PDE1A: variants seen among roughly 807,000 people sequenced by gnomAD.
The protein encoded by PDE1A is dual specificity calcium/calmodulin-dependent 3',5'-cyclic nucleotide phosphodiesterase 1A.
In PDE1A, 35 loss-of-function variants were observed where a neutral mutation model predicts 61.7. The observed-to-expected ratio is 0.57, with a 90% confidence interval of 0.43 to 0.75. PDE1A has a LOEUF of 0.75. Ranked by LOEUF, PDE1A falls within the 30% of genes least tolerant of loss-of-function variation. The probability of loss-of-function intolerance (pLI) is 0.00; values close to 1 mark genes in which losing one functional copy is unlikely to be tolerated. For synonymous variants in PDE1A, 232 were observed against 213.2 expected (o/e 1.09, Z -0.77); for missense variants, 597 against 630.6 (o/e 0.95, Z 0.57).
At chr2:182,287,965 G>A (rs1221432693) in intron 1 of PDE1A, among the ~76,000 whole-genome samples, 1 of 151,992 alleles carries the variant, frequency 6.6e-6, no homozygotes, top group East Asian at 1.9e-4. Flanking sequence ...TGTTTACATT[G>A]ATAAATCTCA....
chr2:182,356,099 A>C (rs1011382260), intron 1 of PDE1A, among the ~76,000 whole-genome samples: 16 of 152,188 alleles, frequency 1.1e-4, no homozygotes, highest in Non-Finnish European at 2.1e-4. Flanking sequence ...AAAAACAATT[A>C]AACTATACCA....
intron 2 of PDE1A, among the ~76,000 whole-genome samples, chr2:182,499,338 C>A (rs62187725): frequency 2.3e-3 from 348 of 152,060 alleles, no homozygotes; most frequent in Admixed American, 4.5e-3. Context: ...AACTGTACTC[C>A]GCTAATTTTT....
chr2:182,581,452 C>T, the PDE1A span, among the ~76,000 whole-genome samples: 3 of 152,164 alleles, frequency 2.0e-5, no homozygotes, highest in Non-Finnish European at 1.5e-5. Context: ...AGGGCCTTTG[C>T]ACACAAATGC....
chr2:182,532,815 G>T, the PDE1A span, among the ~76,000 whole-genome samples: 108,754 of 151,178 alleles, frequency 0.72, 41,769 homozygotes, highest in East Asian at 0.99. Context: ...GGGCGCGGTG[G>T]TGGGCGCCTG....
At chr2:182,276,295 G>A (rs374977031) in intron 1 of PDE1A, among the ~76,000 whole-genome samples, 29 of 152,188 alleles carry the variant, frequency 1.9e-4, no homozygotes, top group Middle Eastern at 3.4e-3. Flanking sequence ...GACCCCAAAC[G>A]GAGGAAGCAG....
At chr2:182,607,242 C>A in the PDE1A span, among the ~76,000 whole-genome samples, 324 of 152,178 alleles carry the variant, frequency 2.1e-3, no homozygotes, top group Non-Finnish European at 3.5e-3. Context: ...AAGCAACTCA[C>A]ATAAGATAAT....
the PDE1A span, among the ~76,000 whole-genome samples, chr2:182,561,391 C>T: frequency 2.6e-5 from 4 of 151,982 alleles, no homozygotes; most frequent in East Asian, 5.8e-4. Flanking sequence ...TTTCTGAGGG[C>T]TCTGTTCTGT....
intron 7 of PDE1A, among the ~76,000 whole-genome samples, chr2:182,223,614 G>C (rs1688907993): frequency 6.6e-6 from 1 of 151,976 alleles, no homozygotes; most frequent in South Asian, 2.1e-4. Context: ...GTTCTGGGCA[G>C]AGACAGATTG....
chr2:182,543,860 C>T, the PDE1A span, among the ~76,000 whole-genome samples: 1 of 152,042 alleles, frequency 6.6e-6, no homozygotes, highest in Non-Finnish European at 1.5e-5. Context: ...AACTATATGG[C>T]AATTGAGCAG....
intron 1 of PDE1A, among the ~76,000 whole-genome samples, chr2:182,332,296 A>G (rs1027473961): frequency 2.0e-5 from 3 of 152,124 alleles, no homozygotes; most frequent in African/African-American, 7.2e-5. Context: ...GGGTTAGAAC[A>G]TGCTCCTTTA....
chr2:182,186,446 T>C (rs758840015), intron 12 of PDE1A, 22 bp downstream of exon 12: 10 of 1,606,618 alleles, frequency 6.2e-6, no homozygotes, highest in Middle Eastern at 1.6e-4. Flanking sequence ...TGAAAAATAA[T>C]GCAAAAAAGA....
intron 1 of PDE1A, among the ~76,000 whole-genome samples, chr2:182,321,669 T>C (rs1005819227): frequency 1.3e-5 from 2 of 152,158 alleles, no homozygotes; most frequent in African/African-American, 2.4e-5. Flanking sequence ...GGAATAAAGA[T>C]CTTGGCCTTT....
chr2:182,365,766 A>T (rs572719600), intron 1 of PDE1A, among the ~76,000 whole-genome samples: 1 of 152,112 alleles, frequency 6.6e-6, no homozygotes, highest in African/African-American at 2.4e-5. Context: ...ATATGCTAAA[A>T]ATCTCTACTT....
intron 1 of PDE1A, among the ~76,000 whole-genome samples, chr2:182,306,126 G>A (rs989944194): frequency 6.6e-6 from 1 of 152,078 alleles, no homozygotes; most frequent in African/African-American, 2.4e-5. Context: ...ATGAGAACAT[G>A]TAGTATTAGT....
intron 7 of PDE1A, among the ~76,000 whole-genome samples, chr2:182,212,061 G>C (rs1444780707): frequency 6.6e-6 from 1 of 151,980 alleles, no homozygotes; most frequent in African/African-American, 2.4e-5. Context: ...AGTTGTGAGA[G>C]GGGACATCTT....
chr2:182,665,070 G>A, the PDE1A span, among the ~76,000 whole-genome samples: 11 of 152,058 alleles, frequency 7.2e-5, no homozygotes, highest in East Asian at 1.7e-3. Flanking sequence ...TTCTCCAAAC[G>A]GTTTTGCTAT....
At chr2:182,704,211 GAA>G in the PDE1A span, among the ~76,000 whole-genome samples, 1 of 120,194 alleles carries the variant, frequency 8.3e-6, no homozygotes. Context: ...ACTCCGTCTG[GAA>G]AAAAAAAAAA....
chr2:182,611,819 C>A, the PDE1A span, among the ~76,000 whole-genome samples: 1 of 151,614 alleles, frequency 6.6e-6, no homozygotes, highest in Admixed American at 6.6e-5. Flanking sequence ...AAATAAAGAA[C>A]AATAATATTT....
intron 13 of PDE1A, among the ~76,000 whole-genome samples, chr2:182,156,768 A>G (rs755952231): frequency 1.3e-5 from 2 of 152,160 alleles, no homozygotes; most frequent in Non-Finnish European, 2.9e-5. Context: ...CAAGGCCTGC[A>G]CAAGTCCTAT....
Sources: gnomAD v4.1 joint callset for allele counts (sites outside exome capture counted in the v4.1 genomes callset) on GRCh38, gnomAD v4.1.1 for gene constraint, MANE v1.5 for transcripts, NCBI Gene and HGNC (gene_info 2026-07-23, HGNC 2026-07-21) for gene names.